The following ZNF215 variants were observed in gnomAD, a reference collection of about 807,000 sequenced individuals.
ZNF215 encodes the protein zinc finger protein 215.
Under a neutral mutation model 27.2 loss-of-function variants are expected in ZNF215, and 24 were observed. The ratio of observed to expected loss-of-function variants is 0.88; its 90% CI spans 0.64 to 1.24. The LOEUF (loss-of-function observed/expected upper bound fraction) is 1.24, where lower values mean the gene tolerates loss of function less well. ZNF215 is among the 50% of genes most tolerant of loss of function. ZNF215 has a pLI of 0.00. For synonymous variants in ZNF215, 210 were observed against 204.0 expected (o/e 1.03, Z -0.25); for missense variants, 675 against 605.7 (o/e 1.11, Z -1.20).
intron 5 of ZNF215, among the ~76,000 whole-genome samples, chr11:6,966,038 T>G (rs1414512537): frequency 6.6e-6 from 1 of 152,196 alleles, no homozygotes; most frequent in African/African-American, 2.4e-5. Context: ...GTCTTTAGGC[T>G]TTGAGCTTCC....
chr11:6,985,933 T>C (rs2857911), downstream of ZNF215, among the ~76,000 whole-genome samples: 89,514 of 152,006 alleles, frequency 0.59, 26,461 homozygotes, highest in East Asian at 0.69. Flanking sequence ...GAATCAATAT[T>C]ATTTAAATGG....
chr11:6,944,727 A>G (rs2133230627), intron 6 of ZNF215, among the ~76,000 whole-genome samples: 1 of 152,224 alleles, frequency 6.6e-6, no homozygotes, highest in African/African-American at 2.4e-5. Flanking sequence ...CTTTGTTTGT[A>G]ATGTTTTATC....
intron 5 of ZNF215, among the ~76,000 whole-genome samples, chr11:6,982,518 C>T (rs996346332): frequency 2.0e-5 from 3 of 152,144 alleles, no homozygotes; most frequent in Non-Finnish European, 4.4e-5. Flanking sequence ...TAAAGCTCTC[C>T]TCAGCAAATC....
chr11:6,943,467 G>A, intron 5 of ZNF215, 79 bp from the exon 6 acceptor site: 1 of 1,365,470 alleles, frequency 7.3e-7, no homozygotes, highest in Non-Finnish European at 1.0e-6. Context: ...TGTCGGGATA[G>A]AATTATCTTC....
At chr11:6,943,517 G>T (rs764105228) in intron 5 of ZNF215, 29 bp from the exon 6 acceptor site, 4 of 1,574,374 alleles carry the variant, frequency 2.5e-6, no homozygotes, top group Middle Eastern at 3.4e-4. Flanking sequence ...GTTTGTTGTT[G>T]TTGTTCTTTT....
At chr11:6,991,538 C>A (rs1426988390), downstream of ZNF215, among the ~76,000 whole-genome samples, 4 of 152,254 alleles carry the variant, frequency 2.6e-5, no homozygotes, top group East Asian at 7.7e-4. Flanking sequence ...CCCCTACACA[C>A]CCGCAACTGC....
chr11:6,941,848 C>T (rs574148103), intron 4 of ZNF215, among the ~76,000 whole-genome samples, 195 bp downstream of exon 4: 14 of 152,180 alleles, frequency 9.2e-5, no homozygotes, highest in South Asian at 8.3e-4. Flanking sequence ...GTATCTGTTC[C>T]GTCAATAATA....
downstream of ZNF215, chr11:6,988,973 A>G (rs950730200): frequency 1.3e-5 from 2 of 152,012 alleles, no homozygotes; most frequent in African/African-American, 4.8e-5. Context: ...CCTGGCCAAC[A>G]TGGTGAAACC....
At chr11:6,987,342 T>A (rs894639563), downstream of ZNF215, among the ~76,000 whole-genome samples, 3 of 151,932 alleles carry the variant, frequency 2.0e-5, no homozygotes, top group African/African-American at 7.3e-5. Flanking sequence ...ATCATAAAAA[T>A]GGGAAAAATA....
downstream of ZNF215, among the ~76,000 whole-genome samples, chr11:6,962,605 C>T (rs1055635625): frequency 7.2e-5 from 11 of 152,092 alleles, 1 homozygote; most frequent in Non-Finnish European, 1.3e-4. Context: ...CTGTTCATCT[C>T]ACTTGGTAAT....
Position 6,956,562 on chromosome 11 carries a change from C to T in ZNF215, c.*31C>T. 1.3e-6 allele frequency: 2 copies of T among 1,526,892 alleles called. No homozygotes were observed. The highest frequency in any genetic ancestry group is 1.7e-6 in the Non-Finnish European group (2 of 1,145,060). The allele number at this position is 1,526,892 out of a possible 1,614,324, so 94.6% of individuals were successfully genotyped here. A position where few individuals can be genotyped will look rare whatever the true frequency, so the allele number is the denominator to read the frequency against. ...GAAAAAATGAAAGATTACCTTCAGT[C>T]AGAATGCAGAACTCATTTAACATCA... On this transcript the variant is annotated 3_prime_UTR_variant, in exon 7 of 7. Coordinates refer to ENST00000278319, the MANE Select transcript of ZNF215 (RefSeq NM_013250.4).
chr11:6,974,312 T>G (rs1321455995), intron 5 of ZNF215, among the ~76,000 whole-genome samples: 1 of 152,206 alleles, frequency 6.6e-6, no homozygotes, highest in Admixed American at 6.6e-5. Context: ...GTAGTATAGT[T>G]TGAAGTCAGG....
At chr11:6,954,540 G>C (rs575404132) in intron 6 of ZNF215, among the ~76,000 whole-genome samples, 1 of 152,204 alleles carries the variant, frequency 6.6e-6, no homozygotes, top group Non-Finnish European at 1.5e-5. Context: ...ACCCGAGCCA[G>C]GTGCAGGATA....
chr11:6,962,916 A>G (rs1850545184), downstream of ZNF215, among the ~76,000 whole-genome samples: 1 of 151,916 alleles, frequency 6.6e-6, no homozygotes, highest in Admixed American at 6.6e-5. Flanking sequence ...GCTATCACCT[A>G]TATTTTTCCT....
intron 5 of ZNF215, among the ~76,000 whole-genome samples, chr11:6,966,461 A>T (rs1287518135): frequency 6.6e-6 from 1 of 151,892 alleles, no homozygotes; most frequent in East Asian, 1.9e-4. Flanking sequence ...ACCTGTACAT[A>T]TCCCCCCCAA....
At chr11:6,930,252 G>A (rs10082589) in intron 2 of ZNF215, among the ~76,000 whole-genome samples, 42,966 of 151,918 alleles carry the variant, frequency 0.28, 7,333 homozygotes, top group East Asian at 0.39. Flanking sequence ...CAAGATCTGG[G>A]AGCTAATTAT....
chr11:6,959,198 G>T (rs1440521478), downstream of ZNF215, among the ~76,000 whole-genome samples: 2 of 152,142 alleles, frequency 1.3e-5, no homozygotes, highest in East Asian at 3.9e-4. Flanking sequence ...GAAATGTTAG[G>T]AGAGATGATA....
At chr11:6,985,906 A>G (rs543372305), downstream of ZNF215, among the ~76,000 whole-genome samples, 2 of 152,222 alleles carry the variant, frequency 1.3e-5, no homozygotes, top group East Asian at 3.9e-4. Flanking sequence ...AAAAGGTCCC[A>G]TGCTCATGTA....
rs1231772991 is a variant in ZNF215 at position 6,956,017 on chromosome 11, C to T, written c.1040C>T (p.Ser347Leu). The change falls in exon 7 of 7, where the codon TCA (serine) becomes TTA (leucine). Residue 347 changes from serine to leucine, a missense_variant. Physicochemically the swap from Ser to Leu is moderately radical, Grantham distance 145 (BLOSUM62 -2). Transcript: ENST00000278319. ...ACTTACTTCAAATTTAATTTAGACTCAGTAGGTAAGCAACATTCAGAATAT... is the reference window on the plus strand; with the variant it reads ...ACTTACTTCAAATTTAATTTAGACTTAGTAGGTAAGCAACATTCAGAATAT... ...FKTYFKFNLD[S>L]VGKQHSEYEY... is the part of the protein sequence containing the mutation. The T allele has an allele frequency of 1.2e-6, 2 of 1,609,424 alleles. No homozygotes were observed. The highest frequency in any genetic ancestry group is 1.3e-5 in the African/African-American group (1 of 74,748).
Sources: allele counts gnomAD v4.1 joint callset (sites outside exome capture counted in the v4.1 genomes callset), GRCh38; gene constraint gnomAD v4.1.1; transcripts MANE v1.5; gene names NCBI Gene and HGNC (gene_info 2026-07-23, HGNC 2026-07-21).